UGT1A3: variants seen among roughly 807,000 people sequenced by gnomAD.
UGT1A3 encodes UDP glucuronosyltransferase family 1 member A3.
UGT1A3 carries 31 observed loss-of-function variants against 41.0 expected under a neutral mutation model. That is an observed-to-expected ratio of 0.76 (90% CI 0.57 to 1.02). The LOEUF (loss-of-function observed/expected upper bound fraction) is 1.02, where lower values mean the gene tolerates loss of function less well. UGT1A3 is among the 50% of genes least tolerant of loss of function. UGT1A3 has a pLI of 0.00. For synonymous variants in UGT1A3, 262 were observed against 257.6 expected (o/e 1.02, Z -0.17); for missense variants, 737 against 671.0 (o/e 1.10, Z -1.09).
At chr2:233,760,630 A>G (rs759620086) in intron 1 of UGT1A3, 1 of 1,614,164 alleles carries the variant, frequency 6.2e-7, no homozygotes, top group South Asian at 1.1e-5. Flanking sequence ...AACATACAAG[A>G]AAATAAAAAA....
intron 1 of UGT1A3, among the ~76,000 whole-genome samples, chr2:233,737,298 C>T (rs370830407): frequency 3.9e-5 from 6 of 152,366 alleles, no homozygotes; most frequent in South Asian, 4.1e-4. Context: ...TGCCGCCTCA[C>T]AGTTCAATCT....
intron 2 of UGT1A3, 111 bp downstream of exon 2, chr2:233,767,276 C>CGGAA (rs1699353550): frequency 6.3e-7 from 1 of 1,578,136 alleles, no homozygotes; most frequent in Non-Finnish European, 8.5e-7. Context: ...TTGGCTTTTC[C>CGGAA]CTGCCACTTC....
rs763166349 is a variant in UGT1A3, at chr2:233,729,716, T to C, written c.590T>C (p.Leu197Ser). Residue 197 changes from leucine (L) to serine (S), a missense_variant, in exon 1 of 5, where the codon TTA (leucine) becomes TCA (serine). By Grantham distance (145) the Leu-to-Ser change is moderately radical (BLOSUM62 -2). Coordinates refer to ENST00000482026, the MANE Select transcript of UGT1A3 (RefSeq NM_019093.4). ...AACCCTTCCTCCTATATTCCTAGAT[T>C]ACTAACAACCAATTCAGACCACATG... ...CPNPSSYIPRLLTTNSDHMTF... is the reference protein window; with the variant it reads ...CPNPSSYIPRSLTTNSDHMTF... 5.6e-6 allele frequency: 9 copies of C among 1,613,852 alleles called. No individual in the cohort carries two copies. The African/African-American group carries it at 9.3e-5, about 17-fold the overall frequency.
Position 233,769,262 on chromosome 2 carries a change from G to A in UGT1A3, c.1307+823G>A, listed in dbSNP as rs1197405588. ...TTTGCTCAAATGTGGCCCTGAAAAC[G>A]ATTCAAAGGGCAAATGATTTCTGGA... is the stretch of plus-strand genomic sequence containing the variant. On this transcript the variant is annotated intron_variant, in intron 4 of 4. Coordinates refer to ENST00000482026, the MANE Select transcript of UGT1A3 (RefSeq NM_019093.4). The surrounding 1 kb of genome is among the most constrained non-coding windows in gnomAD (Gnocchi z 4.4). Among the ~76,000 whole-genome samples the A allele has an allele frequency of 1.3e-5, 2 of 152,184 alleles. No homozygotes were observed. The highest frequency in any genetic ancestry group is 2.9e-5 in the Non-Finnish European group (2 of 68,036).
intron 1 of UGT1A3, chr2:233,754,464 GA>G (rs1321314205): frequency 8.4e-6 from 3 of 356,342 alleles, no homozygotes; most frequent in African/African-American, 2.1e-5. Context: ...CAGCTGTTCT[GA>G]AAGTAAAGTT....
chr2:233,758,519 G>T (rs1221365461), intron 1 of UGT1A3, among the ~76,000 whole-genome samples: 1 of 152,226 alleles, frequency 6.6e-6, no homozygotes. Context: ...ACAACAAAGA[G>T]TGAAAGCATT....
chr2:233,753,368 C>G (rs1222809761), intron 1 of UGT1A3: 1 of 152,204 alleles, frequency 6.6e-6, no homozygotes, highest in Non-Finnish European at 1.5e-5. Context: ...GGGTGCCATT[C>G]CATGCAGATT....
At chr2:233,749,503 T>C (rs1362784067) in intron 1 of UGT1A3, among the ~76,000 whole-genome samples, 2 of 151,872 alleles carry the variant, frequency 1.3e-5, no homozygotes, top group African/African-American at 2.4e-5. Flanking sequence ...CTTAGAGAAT[T>C]AGAGAACACT....
chr2:233,766,919 C>T, intron 1 of UGT1A3, 115 bp from the exon 2 acceptor site: 7 of 1,549,656 alleles, frequency 4.5e-6, no homozygotes, highest in Non-Finnish European at 6.1e-6. Context: ...CTATCTCAAA[C>T]ACGCATGCCT....
At chr2:233,738,677 A>C (rs1328958529) in intron 1 of UGT1A3, among the ~76,000 whole-genome samples, 2 of 152,316 alleles carry the variant, frequency 1.3e-5, no homozygotes, top group East Asian at 3.9e-4. Flanking sequence ...AGATGATCTG[A>C]AATTGGAACT....
intron 1 of UGT1A3, among the ~76,000 whole-genome samples, chr2:233,757,562 G>GTATATATATA (rs1491042837): frequency 2.2e-5 from 2 of 90,868 alleles, no homozygotes; most frequent in Admixed American, 1.0e-4. Flanking sequence ...ATATATATAT[G>GTATATATATA]TATATATGAT....
chr2:233,744,090 T>G (rs1692690512), intron 1 of UGT1A3: 7 of 425,206 alleles, frequency 1.6e-5, no homozygotes, highest in South Asian at 1.4e-4. Context: ...CAAGATGCAG[T>G]GCTTCTGGGA....
chr2:233,729,632 C>T lies in UGT1A3; in HGVS notation c.506C>T (p.Thr169Ile). 1 of 1,613,894 alleles carries T rather than the reference C, an allele frequency of 6.2e-7. No homozygotes were observed. Among genetic ancestry groups the T allele is most frequent in the Non-Finnish European group, 8.5e-7 (1 of 1,179,882 alleles). The change falls in exon 1 of 5, where the codon ACT becomes ATT. Residue 169 changes from threonine (T) to isoleucine (I), a missense_variant. Physicochemically the swap from Thr to Ile is moderately conservative, Grantham distance 89. Transcript: ENST00000482026. ...AVLAKYLSIP[T>I]VFFLRNIPCD... ...CTGGCTAAGTACCTGTCGATTCCTA[C>T]TGTGTTTTTTTTGAGGAACATTCCA...
chr2:233,730,715 T>G (rs1367168095), intron 1 of UGT1A3, among the ~76,000 whole-genome samples: 4 of 152,064 alleles, frequency 2.6e-5, no homozygotes, highest in Non-Finnish European at 4.4e-5. Flanking sequence ...AATGCTGAAA[T>G]TATCAAGAAA....
chr2:233,757,466 T>A (rs1362251733), intron 1 of UGT1A3, among the ~76,000 whole-genome samples: 1 of 149,346 alleles, frequency 6.7e-6, no homozygotes, highest in Non-Finnish European at 1.5e-5. Context: ...GAGCGCTTAC[T>A]GTCTCCAAAA....
intron 1 of UGT1A3, among the ~76,000 whole-genome samples, chr2:233,749,817 TTCTC>T (rs1694278787): frequency 1.3e-5 from 2 of 151,900 alleles, no homozygotes; most frequent in Non-Finnish European, 2.9e-5. Flanking sequence ...CTCTTCCTCT[TTCTC>T]TCTTTCATGT....
At chr2:233,733,152 T>G (rs1034530556) in intron 1 of UGT1A3, among the ~76,000 whole-genome samples, 15 of 152,252 alleles carry the variant, frequency 9.9e-5, no homozygotes, top group African/African-American at 3.4e-4. Context: ...TTTTGCACAT[T>G]GATTTTGTAT....
At chr2:233,734,343 T>G (rs1193439739) in intron 1 of UGT1A3, among the ~76,000 whole-genome samples, 2 of 152,200 alleles carry the variant, frequency 1.3e-5, no homozygotes, top group Admixed American at 6.5e-5. Flanking sequence ...TGATGGTAGT[T>G]TGTATTTCTG....
chr2:233,761,815 G>A (rs928491400), intron 1 of UGT1A3, among the ~76,000 whole-genome samples: 1 of 152,190 alleles, frequency 6.6e-6, no homozygotes, highest in African/African-American at 2.4e-5. Context: ...GAACAGGAGA[G>A]GCTCCTTCAG....
Sources: gnomAD v4.1 joint callset for allele counts (sites outside exome capture counted in the v4.1 genomes callset) on GRCh38, gnomAD v4.1.1 for gene constraint, Gnocchi (gnomAD v3.1) non-coding constraint, MANE v1.5 for transcripts, NCBI Gene and HGNC (gene_info 2026-07-23, HGNC 2026-07-21) for gene names.